The following DDAH1 variants were observed in gnomAD, a reference collection of about 807,000 sequenced individuals.
DDAH1 encodes the protein dimethylarginine dimethylaminohydrolase 1.
In DDAH1, 19 loss-of-function variants were observed where a neutral mutation model predicts 28.8. The ratio of observed to expected loss-of-function variants is 0.66; its 90% CI spans 0.46 to 0.97. The LOEUF (loss-of-function observed/expected upper bound fraction) is 0.97. Ranked by LOEUF, DDAH1 falls within the 50% of genes least tolerant of loss-of-function variation. DDAH1 has a pLI of 0.00. For missense variants in DDAH1, 326 were observed against 375.9 expected, an observed-to-expected ratio of 0.87 and a Z score of 1.10; for synonymous variants, 153 against 154.4, an observed-to-expected ratio of 0.99 and a Z score of 0.07.
At chr1:85,561,574 T>C (rs1446327254) in intron 1 of DDAH1, among the ~76,000 whole-genome samples, 4 of 152,156 alleles carry the variant, frequency 2.6e-5, no homozygotes, top group Admixed American at 2.0e-4. Flanking sequence ...ATCTCTTACA[T>C]AATATTAAGA....
At chr1:85,577,514 G>T (rs1191280509) in intron 1 of DDAH1, among the ~76,000 whole-genome samples, 3 of 152,146 alleles carry the variant, frequency 2.0e-5, no homozygotes, top group Non-Finnish European at 4.4e-5. Flanking sequence ...CACTCCGGTC[G>T]TCCAGGGCAG....
At chr1:85,577,848 C>T in intron 1 of DDAH1, 1 of 422,564 alleles carries the variant, frequency 2.4e-6, no homozygotes, top group Middle Eastern at 1.2e-3. Flanking sequence ...GTAGCCCCTT[C>T]TCCGTGGATT....
intron 1 of DDAH1, among the ~76,000 whole-genome samples, chr1:85,412,000 C>T (rs536238086): frequency 1.2e-4 from 19 of 152,282 alleles, no homozygotes; most frequent in African/African-American, 4.6e-4. Flanking sequence ...TCTAAATTAT[C>T]CCACTGATAT....
chr1:85,324,681 T>C, intron 5 of DDAH1, 59 bp downstream of exon 5: 1 of 1,603,146 alleles, frequency 6.2e-7, no homozygotes. Context: ...CACTCCTTTA[T>C]GAAAAAATCC....
chr1:85,535,051 T>C (rs1164080841), intron 1 of DDAH1, among the ~76,000 whole-genome samples: 1 of 152,062 alleles, frequency 6.6e-6, no homozygotes, highest in Non-Finnish European at 1.5e-5. Context: ...GATGAAAGTC[T>C]TAAGGCAAAC....
chr1:85,450,139 G>T (rs1654604635), intron 1 of DDAH1, among the ~76,000 whole-genome samples: 2 of 152,050 alleles, frequency 1.3e-5, no homozygotes, highest in Admixed American at 6.6e-5. Context: ...GACACTTACT[G>T]GTATTTTTAA....
chr1:85,545,336 T>C (rs573607181), intron 1 of DDAH1, among the ~76,000 whole-genome samples: 3 of 152,212 alleles, frequency 2.0e-5, no homozygotes, highest in Non-Finnish European at 2.9e-5. Flanking sequence ...AGACACATGA[T>C]TGTATCATGA....
At chr1:85,391,417 C>T (rs886654146) in intron 1 of DDAH1, among the ~76,000 whole-genome samples, 5 of 152,042 alleles carry the variant, frequency 3.3e-5, no homozygotes, top group Admixed American at 2.6e-4. Context: ...CAGTGAGTTA[C>T]GATTATGTCA....
intron 2 of DDAH1, among the ~76,000 whole-genome samples, chr1:85,354,522 TCTCTC>T (rs1057158939): frequency 1.0e-4 from 14 of 136,264 alleles, no homozygotes; most frequent in African/African-American, 3.4e-4. Context: ...AAAAAGAAAA[TCTCTC>T]CTCAAGTATT....
intron 2 of DDAH1, among the ~76,000 whole-genome samples, chr1:85,480,909 A>C (rs1213077134): frequency 3.3e-5 from 5 of 151,978 alleles, no homozygotes; most frequent in Non-Finnish European, 7.4e-5. Context: ...ATAATGTTTT[A>C]GTATGATCAC....
chr1:85,463,733 T>C (rs1655226071), intron 1 of DDAH1, among the ~76,000 whole-genome samples: 1 of 152,004 alleles, frequency 6.6e-6, no homozygotes, highest in African/African-American at 2.4e-5. Flanking sequence ...ACAGACAAAA[T>C]AGAAAAAAAA....
Position 85,402,633 on chromosome 1 carries a change from G to A in DDAH1, c.304-43786C>T, listed in dbSNP as rs1288570488. Among the ~76,000 whole-genome samples the A allele has an allele frequency of 5.3e-5, 8 of 152,122 alleles. No individual in the cohort carries two copies. In the South Asian group the frequency reaches 8.3e-4, roughly 16 times the overall value. On this transcript the variant is annotated intron_variant, in intron 1 of 5. Transcript: ENST00000284031. Reference sequence around the variant, plus strand: ...CACAATTAATAAAAATCTTCTGGCCGGACGCGGTGGTTCACGCCTGTAATC... The same window carrying A: ...CACAATTAATAAAAATCTTCTGGCCAGACGCGGTGGTTCACGCCTGTAATC...
At chr1:85,477,427 T>C (rs928041033) in intron 2 of DDAH1, among the ~76,000 whole-genome samples, 1 of 151,988 alleles carries the variant, frequency 6.6e-6, no homozygotes, top group African/African-American at 2.4e-5. Flanking sequence ...CCTCATGACA[T>C]CTTACGTGAG....
intron 1 of DDAH1, among the ~76,000 whole-genome samples, chr1:85,375,802 C>T (rs2012683): frequency 0.35 from 53,472 of 151,868 alleles, 9,471 homozygotes; most frequent in South Asian, 0.4. Flanking sequence ...AACTCAAACT[C>T]ATTTTTGGGT....
At chr1:85,552,430 T>C (rs1658823953) in intron 1 of DDAH1, among the ~76,000 whole-genome samples, 1 of 152,260 alleles carries the variant, frequency 6.6e-6, no homozygotes, top group Non-Finnish European at 1.5e-5. Flanking sequence ...TCTACATTGC[T>C]GTGCCTTTGC....
intron 1 of DDAH1, among the ~76,000 whole-genome samples, chr1:85,407,021 T>G (rs1248659735): frequency 1.1e-4 from 16 of 152,126 alleles, no homozygotes; most frequent in Non-Finnish European, 4.4e-5. Flanking sequence ...ACTTTAGACC[T>G]TCCTCCTTGA....
chr1:85,339,040 C>G (rs1259357478), intron 4 of DDAH1, among the ~76,000 whole-genome samples: 1 of 142,252 alleles, frequency 7.0e-6, no homozygotes, highest in East Asian at 2.1e-4. Flanking sequence ...GAGCAAGACT[C>G]CGTCTCAAAA....
chr1:85,536,948 C>CATATAT (rs202209648), intron 1 of DDAH1, among the ~76,000 whole-genome samples: 164 of 91,764 alleles, frequency 1.8e-3, no homozygotes, highest in Non-Finnish European at 2.3e-3. Flanking sequence ...GAAAATGTGG[C>CATATAT]ATATATATAT....
chr1:85,507,329 C>T (rs1170336518), intron 1 of DDAH1, among the ~76,000 whole-genome samples: 1 of 152,014 alleles, frequency 6.6e-6, no homozygotes, highest in African/African-American at 2.4e-5. Flanking sequence ...ATGGTGAAAC[C>T]CTGTCTCTAC....
Sources: allele counts gnomAD v4.1 joint callset (sites outside exome capture counted in the v4.1 genomes callset), GRCh38; gene constraint gnomAD v4.1.1; transcripts MANE v1.5; gene names NCBI Gene and HGNC (gene_info 2026-07-23, HGNC 2026-07-21).